GALNT18: variants seen among roughly 807,000 people sequenced by gnomAD.
The protein encoded by GALNT18 is polypeptide N-acetylgalactosaminyltransferase 18.
A neutral mutation model predicts 69.5 loss-of-function variants in GALNT18; 44 were observed. The ratio of observed to expected loss-of-function variants is 0.63; its 90% CI spans 0.50 to 0.81. The LOEUF (loss-of-function observed/expected upper bound fraction) is 0.81. GALNT18 is among the 40% of genes least tolerant of loss of function. GALNT18 has a pLI of 0.00. For synonymous variants in GALNT18, 364 were observed against 318.2 expected (o/e 1.14, Z -1.53); for missense variants, 715 against 810.0 (o/e 0.88, Z 1.42).
At chr11:11,352,407 T>C (rs1383548857) in intron 6 of GALNT18, 8 of 1,613,950 alleles carry the variant, frequency 5.0e-6, no homozygotes, top group African/African-American at 1.3e-5. Context: ...CTGATCATAA[T>C]TGTCACGTCC....
Position 11,424,196 on chromosome 11 carries a change from G to A in GALNT18, c.595+8425C>T, listed in dbSNP as rs1855075886. 2.0e-5 allele frequency among the ~76,000 whole-genome samples: 3 copies of A among 152,184 alleles called. No individual in the cohort carries two copies. In the South Asian group the frequency reaches 6.2e-4, roughly 32 times the overall value. ...AGGACCAGGGAGGCTCACCTACGTTGGACCTGCCATTTTAGTGCATGTGGC... is the reference window on the plus strand; with the variant it reads ...AGGACCAGGGAGGCTCACCTACGTTAGACCTGCCATTTTAGTGCATGTGGC... On this transcript the variant is annotated intron_variant, in intron 3 of 10. Transcript: ENST00000227756.
intron 1 of GALNT18, chr11:11,570,228 C>T (rs34761188): frequency 0.31 from 47,882 of 152,832 alleles, 7,734 homozygotes; most frequent in Admixed American, 0.43. Flanking sequence ...CCAAGAGCCT[C>T]CCAATTTGTC....
intron 1 of GALNT18, among the ~76,000 whole-genome samples, chr11:11,599,704 C>G (rs1859588741): frequency 6.6e-6 from 1 of 151,844 alleles, no homozygotes. Flanking sequence ...TGCACTAAGT[C>G]AATATTTTCT....
intron 3 of GALNT18, among the ~76,000 whole-genome samples, chr11:11,399,827 A>T (rs1854420220): frequency 6.6e-6 from 1 of 152,216 alleles, no homozygotes; most frequent in South Asian, 2.1e-4. Flanking sequence ...AATACTCAAT[A>T]GGTGCTAGCT....
chr11:11,404,218 G>A lies in GALNT18; in HGVS notation c.596-24954C>T, dbSNP rs1056025718. On this transcript the variant is annotated intron_variant, in intron 3 of 10. Coordinates refer to ENST00000227756, the MANE Select transcript of GALNT18 (RefSeq NM_198516.3). The surrounding 1 kb of genome is among the most constrained non-coding windows in gnomAD (Gnocchi z 4.5). ...CGTGCACGGCATGGAGCCAATTATC[G>A]CTGCTCCAGGAAATGGGGATGGCAT... Among the ~76,000 whole-genome samples the A allele has an allele frequency of 7.2e-5, 11 of 152,194 alleles. No individual in the cohort carries two copies. The highest frequency in any genetic ancestry group is 3.3e-4 in the Admixed American group (5 of 15,286).
intron 9 of GALNT18, among the ~76,000 whole-genome samples, chr11:11,298,133 C>G (rs1221561166): frequency 1.3e-5 from 2 of 152,170 alleles, no homozygotes; most frequent in Non-Finnish European, 2.9e-5. Context: ...GGGGCAAGGG[C>G]CCCCATCCTG....
intron 9 of GALNT18, among the ~76,000 whole-genome samples, chr11:11,300,304 G>A (rs953057900): frequency 1.3e-5 from 2 of 152,166 alleles, no homozygotes; most frequent in African/African-American, 2.4e-5. Context: ...AGCAGTGATC[G>A]TCTTTGGCTG....
Position 11,454,577 on chromosome 11 carries a change from C to A in GALNT18, c.236-5641G>T, listed in dbSNP as rs958889138. On this transcript the variant is annotated intron_variant, in intron 1 of 10. Transcript: ENST00000227756. This position sits in a 1 kb window ranked among gnomAD's most constrained non-coding sequence, Gnocchi z 4.2. ...AATCAAAAAGATTCCACTGAAGGGT[C>A]CAAACATCCCTCTTCCCAGAAACCC... 6.6e-6 allele frequency among the ~76,000 whole-genome samples: 1 copy of A among 151,980 alleles called. No homozygotes were observed. The highest frequency in any genetic ancestry group is 1.5e-5 in the Non-Finnish European group (1 of 67,996).
At chr11:11,576,959 C>G (rs1055017450) in intron 1 of GALNT18, among the ~76,000 whole-genome samples, 1 of 152,096 alleles carries the variant, frequency 6.6e-6, no homozygotes, top group East Asian at 1.9e-4. Context: ...CTGTTCAGGA[C>G]AAGATGGAGG....
rs1002812953 is a variant in GALNT18, at chr11:11,347,683, C to G, written c.1093-6679G>C. Among the ~76,000 whole-genome samples the G allele has an allele frequency of 2.0e-5, 3 of 152,212 alleles. No homozygotes were observed. The highest frequency in any genetic ancestry group is 2.1e-4 in the South Asian group (1 of 4,828). On this transcript the variant is annotated intron_variant, in intron 6 of 10. Transcript: ENST00000227756. The surrounding 1 kb of genome is among the most constrained non-coding windows in gnomAD (Gnocchi z 4.0). ...TTCTCTTAGCCCAGAAAGCCTCCTTCCTGCTCTCCACATCCATCCAAAGCC... is the reference window on the plus strand; with the variant it reads ...TTCTCTTAGCCCAGAAAGCCTCCTTGCTGCTCTCCACATCCATCCAAAGCC...
intron 7 of GALNT18, among the ~76,000 whole-genome samples, chr11:11,333,481 C>T (rs2133050048): frequency 6.6e-6 from 1 of 152,240 alleles, no homozygotes; most frequent in South Asian, 2.1e-4. Context: ...GGTAACTTGC[C>T]CAAGACTCCA....
chr11:11,431,702 C>T (rs1413285617), intron 3 of GALNT18, among the ~76,000 whole-genome samples: 4 of 152,140 alleles, frequency 2.6e-5, no homozygotes, highest in African/African-American at 4.8e-5. Context: ...TCACAAATTG[C>T]CCATCTGAAC....
At chr11:11,580,884 C>A (rs1251486542) in intron 1 of GALNT18, among the ~76,000 whole-genome samples, 5 of 152,248 alleles carry the variant, frequency 3.3e-5, no homozygotes, top group Admixed American at 3.3e-4. Context: ...CTACCCTGGA[C>A]TAGGCAGTGG....
rs139304397 is a variant in GALNT18 at position 11,431,566 on chromosome 11, A to T, written c.595+1055T>A. Among the ~76,000 whole-genome samples the T allele has an allele frequency of 7.4e-4, 113 of 152,342 alleles. 1 individual carries two copies. The highest frequency in any genetic ancestry group is 2.7e-3 in the African/African-American group (112 of 41,578). ...CAGCAAAGCCCTTCAGAAATTTCTA[A>T]AATCCCCTTACAGCACTGCTCCCAC... On this transcript the variant is annotated intron_variant, in intron 3 of 10. Transcript: ENST00000227756.
At position 11,379,283 on chromosome 11, in the gene GALNT18, A is replaced by T; in HGVS notation, c.596-19T>A. ...AGTTCCTCTGTCAGGGAGAAAATGCAGCCTTAGCATGGGAGGGAGGTCAGG... is the reference window on the plus strand; with the variant it reads ...AGTTCCTCTGTCAGGGAGAAAATGCTGCCTTAGCATGGGAGGGAGGTCAGG... On this transcript the variant is annotated intron_variant, in intron 3 of 10. Transcript: ENST00000227756. 1 of 1,606,056 alleles carries T rather than the reference A, an allele frequency of 6.2e-7. No individual in the cohort carries two copies. Among genetic ancestry groups the T allele is most frequent in the South Asian group, 1.1e-5 (1 of 89,268 alleles).
chr11:11,421,460 A>T lies in GALNT18; in HGVS notation c.595+11161T>A, dbSNP rs559496557. Reference sequence around the variant, plus strand: ...GAAGCAGAGCCCCAGTTTGGTGTACAGGGAACAGAGTCTAGCCCCTCAAGG... The same window carrying T: ...GAAGCAGAGCCCCAGTTTGGTGTACTGGGAACAGAGTCTAGCCCCTCAAGG... On this transcript the variant is annotated intron_variant, in intron 3 of 10. Coordinates refer to ENST00000227756, the MANE Select transcript of GALNT18 (RefSeq NM_198516.3). The surrounding 1 kb of genome is among the most constrained non-coding windows in gnomAD (Gnocchi z 5.6). Among the ~76,000 whole-genome samples the T allele has an allele frequency of 6.6e-6, 1 of 152,292 alleles. No individual in the cohort carries two copies. The highest frequency in any genetic ancestry group is 2.1e-4 in the South Asian group (1 of 4,818).
chr11:11,425,404 G>T (rs1269392024), intron 3 of GALNT18, among the ~76,000 whole-genome samples: 1 of 152,206 alleles, frequency 6.6e-6, no homozygotes, highest in African/African-American at 2.4e-5. Flanking sequence ...GTTGGGCAAG[G>T]CACTGCCAAC....
At chr11:11,610,554 C>G (rs1859870399) in intron 1 of GALNT18, among the ~76,000 whole-genome samples, 1 of 151,958 alleles carries the variant, frequency 6.6e-6, no homozygotes, top group African/African-American at 2.4e-5. Context: ...TTTTTTTTCC[C>G]ATTCTTGATT....
At chr11:11,323,402 G>A (rs1314804033) in intron 9 of GALNT18, among the ~76,000 whole-genome samples, 1 of 152,250 alleles carries the variant, frequency 6.6e-6, no homozygotes, top group African/African-American at 2.4e-5. Flanking sequence ...ATGAAGGAGA[G>A]TGATGAGTCC....
Sources: allele counts gnomAD v4.1 joint callset (sites outside exome capture counted in the v4.1 genomes callset), GRCh38; gene constraint gnomAD v4.1.1; non-coding constraint Gnocchi (gnomAD v3.1); transcripts MANE v1.5; gene names NCBI Gene and HGNC (gene_info 2026-07-23, HGNC 2026-07-21).